Variants in BIRC6 observed in about 807,000 individuals in gnomAD.
The protein encoded by BIRC6 is dual E2 ubiquitin-conjugating enzyme/E3 ubiquitin-protein ligase BIRC6.
BIRC6 carries 98 observed loss-of-function variants against 503.3 expected under a neutral mutation model. The ratio of observed to expected loss-of-function variants is 0.19; its 90% CI spans 0.17 to 0.23. The LOEUF is 0.23. Among genes scored for constraint, BIRC6 ranks in the 10% least tolerant of loss-of-function variants. The pLI, the probability that BIRC6 is intolerant of heterozygous loss-of-function variation, is 1.00. For synonymous variants in BIRC6, 2,240 were observed against 2,078.7 expected (o/e 1.08, Z -2.11); for missense variants, 5,360 against 5,806.0 (o/e 0.92, Z 2.50).
chr2:32,529,580 G>A, intron 59 of BIRC6, 71 bp from the exon 60 acceptor site: 1 of 1,316,300 alleles, frequency 7.6e-7, no homozygotes, highest in Non-Finnish European at 1.0e-6. Flanking sequence ...TTTAGTAAAA[G>A]CAGATAATAA....
At chr2:32,462,068 T>TG (rs1047414397) in intron 23 of BIRC6, among the ~76,000 whole-genome samples, 5 of 150,396 alleles carry the variant, frequency 3.3e-5, no homozygotes, top group Non-Finnish European at 3.0e-5. Flanking sequence ...AAAAAAAAGG[T>TG]GGGGGGGATC....
At chr2:32,502,133 T>G (rs908175413) in intron 47 of BIRC6, among the ~76,000 whole-genome samples, 3 of 152,206 alleles carry the variant, frequency 2.0e-5, no homozygotes, top group African/African-American at 7.2e-5. Flanking sequence ...TTTTAGATTT[T>G]TTAATATAGT....
intron 37 of BIRC6, among the ~76,000 whole-genome samples, chr2:32,479,832 A>G (rs1030737457): frequency 1.3e-5 from 2 of 152,222 alleles, no homozygotes; most frequent in Non-Finnish European, 2.9e-5. Context: ...TTATGTTGAT[A>G]TAGTGTGATT....
intron 5 of BIRC6, 66 bp from the exon 6 acceptor site, chr2:32,395,445 C>G: frequency 1.6e-6 from 2 of 1,240,384 alleles, no homozygotes; most frequent in Non-Finnish European, 2.3e-6. Context: ...TTAAAAATAA[C>G]TTTTATTATA....
intron 65 of BIRC6, among the ~76,000 whole-genome samples, chr2:32,567,549 G>A (rs1159852177): frequency 6.6e-6 from 1 of 152,208 alleles, no homozygotes. Flanking sequence ...GATAGCGTGT[G>A]GCCAGTAGCT....
Position 32,502,827 on chromosome 2 carries a change from A to G in BIRC6, c.9240A>G (p.Pro3080=). Residue 3080 remains proline, a synonymous_variant, in exon 48 of 74, where the codon CCA becomes CCG. Coordinates refer to ENST00000421745, the MANE Select transcript of BIRC6 (RefSeq NM_016252.4). The stretch of plus-strand genomic sequence containing the variant: ...TTGCTACTTGCCAGTTATCTGAGCC[A>G]TTATTGTGGTTCATTTTGAGAGTAT... ...GSLATCQLSE[P]LLWFILRVLD... The G allele has an allele frequency of 6.2e-7, 1 of 1,612,980 alleles. No homozygotes were observed. Among genetic ancestry groups the G allele is most frequent in the Non-Finnish European group, 8.5e-7 (1 of 1,179,550 alleles).
chr2:32,581,057 C>T (rs1487634368), intron 66 of BIRC6, among the ~76,000 whole-genome samples: 1 of 152,174 alleles, frequency 6.6e-6, no homozygotes, highest in Non-Finnish European at 1.5e-5. Context: ...AATCCTATTA[C>T]TTGGTTATTT....
intron 22 of BIRC6, among the ~76,000 whole-genome samples, chr2:32,451,319 T>A (rs2046705476): frequency 2.0e-5 from 3 of 150,912 alleles, no homozygotes; most frequent in African/African-American, 7.5e-5. Context: ...TTTGGCCCTG[T>A]GATTCTCAAA....
At chr2:32,516,515 CAAA>C (rs540024426) in intron 55 of BIRC6, among the ~76,000 whole-genome samples, 4 of 51,160 alleles carry the variant, frequency 7.8e-5, no homozygotes, top group African/African-American at 2.1e-4. Context: ...GACTCTGTCT[CAAA>C]AAAAAAAAAA....
At position 32,493,630 on chromosome 2, in the gene BIRC6, T is replaced by G. The variant is rs2052032203; in HGVS notation, c.8431T>G (p.Phe2811Val). 6.2e-7 allele frequency: 1 copy of G among 1,608,876 alleles called. No individual in the cohort carries two copies. The highest frequency in any genetic ancestry group is 2.2e-5 in the East Asian group (1 of 44,726). Residue 2811 changes from phenylalanine (F) to valine (V), a missense_variant, in exon 45 of 74, where the codon TTT (phenylalanine) becomes GTT (valine). Phe to Val is a conservative substitution (Grantham distance 50, BLOSUM62 -1). Coordinates refer to ENST00000421745, the MANE Select transcript of BIRC6 (RefSeq NM_016252.4). ...SSTCPQIFSE[F>V]LLKLIHILST... ...AACATGTCCTCAGATATTCAGTGAA[T>G]TTTTGCTCAAGCTAATTCATATACT...
At chr2:32,531,111 G>A (rs1306354896) in intron 60 of BIRC6, among the ~76,000 whole-genome samples, 1 of 152,136 alleles carries the variant, frequency 6.6e-6, no homozygotes, top group African/African-American at 2.4e-5. Context: ...CTAGCTTGCA[G>A]GTGATGCCAA....
At chr2:32,536,208 C>T (rs1178871247) in intron 61 of BIRC6, among the ~76,000 whole-genome samples, 1 of 151,852 alleles carries the variant, frequency 6.6e-6, no homozygotes, top group Non-Finnish European at 1.5e-5. Context: ...GGATATTAGC[C>T]CTTTGTCAGA....
At chr2:32,423,476 C>T (rs1309458954) in intron 10 of BIRC6, among the ~76,000 whole-genome samples, 3 of 152,286 alleles carry the variant, frequency 2.0e-5, no homozygotes, top group East Asian at 1.9e-4. Flanking sequence ...TTCTACCCTC[C>T]GCTGCTGGTA....
At chr2:32,553,473 C>T (rs773383885) in intron 65 of BIRC6, among the ~76,000 whole-genome samples, 54 of 151,808 alleles carry the variant, frequency 3.6e-4, no homozygotes, top group Non-Finnish European at 6.5e-4. Flanking sequence ...CAGCAACCTC[C>T]GCCTCTCGGG....
At position 32,414,793 on chromosome 2, in the gene BIRC6, T is replaced by C. The variant is rs748780191; in HGVS notation, c.1502T>C (p.Met501Thr). 6.2e-7 allele frequency: 1 copy of C among 1,613,346 alleles called. No homozygotes were observed. The highest frequency in any genetic ancestry group is 1.1e-5 in the South Asian group (1 of 91,008). Residue 501 changes from methionine to threonine, a missense_variant, in exon 10 of 74, where the codon ATG becomes ACG. By Grantham distance (81) the Met-to-Thr change is moderately conservative. Coordinates refer to ENST00000421745, the MANE Select transcript of BIRC6 (RefSeq NM_016252.4). ...VTGHTSQKEA[M>T]EVSLDITALS... The stretch of plus-strand genomic sequence containing the variant: ...GGGCATACATCACAGAAGGAAGCCA[T>C]GGAAGTAAGCCTTGATATAACAGCA...
chr2:32,401,235 A>T lies in BIRC6; in HGVS notation c.1107A>T (p.Ser369=). The T allele has an allele frequency of 6.2e-7, 1 of 1,614,046 alleles. No homozygotes were observed. The highest frequency in any genetic ancestry group is 8.5e-7 in the Non-Finnish European group (1 of 1,179,898). ...KGEHTQNVPL[S]VTLATSPAQF... ...AGCACACACAGAATGTGCCATTGTC[A>T]GTCACTCTTGCAACAAGTCCTGCAC... is the stretch of plus-strand genomic sequence containing the variant. The change falls in exon 7 of 74, where the codon TCA becomes TCT. Residue 369 remains serine, a synonymous_variant. Transcript: ENST00000421745.
intron 22 of BIRC6, among the ~76,000 whole-genome samples, chr2:32,450,726 A>C (rs566173334): frequency 6.6e-6 from 1 of 152,268 alleles, no homozygotes; most frequent in South Asian, 2.1e-4. Context: ...CAGACAACAA[A>C]ATCTGTAGAT....
intron 61 of BIRC6, among the ~76,000 whole-genome samples, chr2:32,533,687 G>C (rs2710626): frequency 0.38 from 57,866 of 151,878 alleles, 11,164 homozygotes; most frequent in Non-Finnish European, 0.42. Flanking sequence ...CTAAGCATAA[G>C]CGAGGAATAG....
intron 66 of BIRC6, among the ~76,000 whole-genome samples, chr2:32,586,167 A>G (rs1261779503): frequency 1.3e-5 from 2 of 152,004 alleles, no homozygotes; most frequent in African/African-American, 4.8e-5. Flanking sequence ...CGCTTGTATA[A>G]TGGCTAAATT....
Sources: allele counts gnomAD v4.1 joint callset (sites outside exome capture counted in the v4.1 genomes callset), GRCh38; gene constraint gnomAD v4.1.1; transcripts MANE v1.5; gene names NCBI Gene and HGNC (gene_info 2026-07-23, HGNC 2026-07-21).